Variants in BMPR2 observed in about 807,000 individuals in gnomAD.
The protein encoded by BMPR2 is bone morphogenetic protein receptor type-2.
A neutral mutation model predicts 100.8 loss-of-function variants in BMPR2; 29 were observed. The ratio of observed to expected loss-of-function variants is 0.29; its 90% CI spans 0.21 to 0.39. BMPR2 has a LOEUF of 0.39. BMPR2 is among the 10% of genes least tolerant of loss of function. The probability of loss-of-function intolerance (pLI) is 1.00; values close to 1 mark genes in which losing one functional copy is unlikely to be tolerated. For missense variants in BMPR2, 1,011 were observed against 1,274.5 expected (o/e 0.79, Z 3.15); for synonymous variants, 382 against 442.3 (o/e 0.86, Z 1.71).
chr2:202,393,882 C>CGAGAGCGAGAGAGCGAGA (rs1212615683), intron 1 of BMPR2, among the ~76,000 whole-genome samples: 2 of 97,868 alleles, frequency 2.0e-5, no homozygotes, highest in Admixed American at 1.2e-4. Flanking sequence ...AATGAGAGAG[C>CGAGAGCGAGAGAGCGAGA]GAGAGAGAGA....
In BMPR2 at chr2:202,564,530, T is replaced by A. The variant is rs542632689; in HGVS notation, c.*4584T>A. The A allele has an allele frequency of 2.4e-4, 36 of 152,376 alleles. No individual in the cohort carries two copies. In the East Asian group the frequency reaches 6.7e-3, roughly 29 times the overall value. 9.4% of individuals were successfully genotyped at this position (152,376 alleles called of 1,614,324 possible). On this transcript the variant is annotated 3_prime_UTR_variant, in exon 13 of 13. Coordinates refer to ENST00000374580, the MANE Select transcript of BMPR2 (RefSeq NM_001204.7). ...CTCTCCAGCATATAAGGTTGCATTT[T>A]AACTTTTAGATTATGAACTGTGCAA...
At chr2:202,496,511 TTAAA>T (rs72341270) in intron 3 of BMPR2, among the ~76,000 whole-genome samples, 21,639 of 152,004 alleles carry the variant, frequency 0.14, 1,630 homozygotes, top group South Asian at 0.24. Context: ...AAAGAACAAA[TTAAA>T]TAATTGTTAT....
chr2:202,478,939 A>G (rs181590599), intron 3 of BMPR2, among the ~76,000 whole-genome samples: 309 of 152,204 alleles, frequency 2.0e-3, no homozygotes, highest in Non-Finnish European at 3.8e-3. Context: ...CCATAAATAA[A>G]AATAAAAAAG....
Position 202,490,232 on chromosome 2 carries a change from C to T in BMPR2, c.418+22543C>T, listed in dbSNP as rs773268027. Among the ~76,000 whole-genome samples the T allele has an allele frequency of 1.1e-4, 17 of 152,102 alleles. No homozygotes were observed. The East Asian group carries it at 2.7e-3, about 24-fold the overall frequency. On this transcript the variant is annotated intron_variant, in intron 3 of 12. Transcript: ENST00000374580. Reference sequence around the variant, plus strand: ...AGGTACACTCCATCTATCACGAGGCCGTGGCAGAAGGTGGATATATTTTCA... The same window carrying T: ...AGGTACACTCCATCTATCACGAGGCTGTGGCAGAAGGTGGATATATTTTCA...
rs2105717648 is a variant in BMPR2, at chr2:202,561,519, T to C, written c.*1573T>C. 1 of 152,258 alleles carries C rather than the reference T, an allele frequency of 6.6e-6. No homozygotes were observed. The highest frequency in any genetic ancestry group is 2.1e-4 in the South Asian group (1 of 4,832). 9.4% of individuals were successfully genotyped at this position (152,258 alleles called of 1,614,324 possible). A position where few individuals can be genotyped will look rare whatever the true frequency, so the allele number is the denominator to read the frequency against. Reference sequence around the variant, plus strand: ...TTTTCTAAACAGAAATTATTTTCTATTAATTTGCAAACTGATGATTTCACT... The same window carrying C: ...TTTTCTAAACAGAAATTATTTTCTACTAATTTGCAAACTGATGATTTCACT... On this transcript the variant is annotated 3_prime_UTR_variant, in exon 13 of 13. Coordinates refer to ENST00000374580, the MANE Select transcript of BMPR2 (RefSeq NM_001204.7).
intron 1 of BMPR2, among the ~76,000 whole-genome samples, chr2:202,419,667 A>T (rs1691216937): frequency 6.6e-6 from 1 of 152,096 alleles, no homozygotes; most frequent in African/African-American, 2.4e-5. Flanking sequence ...TGTTTTTTTT[A>T]AATGAAGTCT....
chr2:202,537,257 C>G (rs1688178196), intron 9 of BMPR2, among the ~76,000 whole-genome samples: 1 of 152,148 alleles, frequency 6.6e-6, no homozygotes, highest in Non-Finnish European at 1.5e-5. Context: ...TTAATAGTCT[C>G]ATGTAGGATT....
chr2:202,510,214 C>T (rs1257523669), intron 3 of BMPR2, among the ~76,000 whole-genome samples: 6 of 152,084 alleles, frequency 3.9e-5, no homozygotes, highest in Admixed American at 6.6e-5. Flanking sequence ...GTCAGGAGTT[C>T]GAGACCAGCC....
chr2:202,558,606 CAGAT>C (rs1446514959), intron 12 of BMPR2, among the ~76,000 whole-genome samples: 1 of 152,016 alleles, frequency 6.6e-6, no homozygotes, highest in Non-Finnish European at 1.5e-5. Flanking sequence ...GACATCGTGT[CAGAT>C]AGGCCAGGCA....
intron 1 of BMPR2, among the ~76,000 whole-genome samples, chr2:202,428,809 A>G (rs1162623217): frequency 1.3e-5 from 2 of 152,146 alleles, no homozygotes; most frequent in Non-Finnish European, 2.9e-5. Context: ...ATGCCTTTAT[A>G]TCTCTTGATA....
chr2:202,466,674 CA>C (rs1692329124), intron 2 of BMPR2, among the ~76,000 whole-genome samples: 1 of 151,522 alleles, frequency 6.6e-6, no homozygotes, highest in South Asian at 2.1e-4. Flanking sequence ...TGCAGTGGCA[CA>C]TTCATGGCTC....
intron 3 of BMPR2, among the ~76,000 whole-genome samples, chr2:202,485,647 A>G (rs1269594194): frequency 1.4e-5 from 2 of 142,034 alleles, no homozygotes; most frequent in Non-Finnish European, 3.0e-5. Context: ...CCCGGGTTCA[A>G]CGGATTCTTC....
chr2:202,382,058 G>GTTTTTTTTTT (rs1216592236), intron 1 of BMPR2, among the ~76,000 whole-genome samples: 3 of 113,648 alleles, frequency 2.6e-5, no homozygotes, highest in Non-Finnish European at 3.7e-5. Flanking sequence ...TTTTGTTTTT[G>GTTTTTTTTTT]TTTTTTTTTT....
intron 11 of BMPR2, among the ~76,000 whole-genome samples, chr2:202,554,462 T>C (rs777020008): frequency 5.9e-5 from 9 of 152,140 alleles, no homozygotes; most frequent in Non-Finnish European, 1.2e-4. Context: ...TAACTCTAGG[T>C]TTTATTTTCC....
At chr2:202,517,238 A>AT (rs768470892) in intron 5 of BMPR2, among the ~76,000 whole-genome samples, 76 of 149,116 alleles carry the variant, frequency 5.1e-4, no homozygotes, top group East Asian at 3.9e-3. Flanking sequence ...AAAAAAAAAG[A>AT]TTTTTTTTTG....
chr2:202,393,170 G>A (rs1472323270), intron 1 of BMPR2, among the ~76,000 whole-genome samples: 1 of 152,152 alleles, frequency 6.6e-6, no homozygotes, highest in Non-Finnish European at 1.5e-5. Flanking sequence ...AATTAAACTG[G>A]AATTCTTTGT....
intron 9 of BMPR2, among the ~76,000 whole-genome samples, chr2:202,541,636 C>G (rs116721326): frequency 2.0e-5 from 3 of 152,066 alleles, no homozygotes; most frequent in Non-Finnish European, 2.9e-5. Context: ...CATCTTTACC[C>G]GCCTCCATGG....
chr2:202,527,898 A>C (rs1025544051), intron 7 of BMPR2, among the ~76,000 whole-genome samples: 1 of 152,216 alleles, frequency 6.6e-6, no homozygotes, highest in East Asian at 1.9e-4. Context: ...ACTGATTATA[A>C]ATTGGCTGGG....
chr2:202,467,447 C>A, intron 2 of BMPR2, 72 bp from the exon 3 acceptor site: 2 of 1,297,726 alleles, frequency 1.5e-6, no homozygotes, highest in Non-Finnish European at 1.1e-6. Context: ...GAAATTACTG[C>A]TTAGTTTGTT....
Sources: gnomAD v4.1 joint callset for allele counts (sites outside exome capture counted in the v4.1 genomes callset) on GRCh38, gnomAD v4.1.1 for gene constraint, MANE v1.5 for transcripts, NCBI Gene and HGNC (gene_info 2026-07-23, HGNC 2026-07-21) for gene names.